Variants in TTLL11 observed in about 807,000 individuals in gnomAD.
TTLL11 encodes the protein tubulin tyrosine ligase like 11, also known as tubulin polyglutamylase TTLL11.
Under a neutral mutation model 51.7 loss-of-function variants are expected in TTLL11, and 42 were observed. The ratio of observed to expected loss-of-function variants is 0.81; its 90% CI spans 0.64 to 1.05. The LOEUF is 1.05. TTLL11 is among the 50% of genes least tolerant of loss of function. The pLI is 0.00. For synonymous variants in TTLL11, 381 were observed against 383.5 expected, an observed-to-expected ratio of 0.99 and a Z score of 0.08; for missense variants, 799 against 940.4, an observed-to-expected ratio of 0.85 and a Z score of 1.97.
At chr9:122,067,660 G>A (rs1164981128) in intron 1 of TTLL11, among the ~76,000 whole-genome samples, 4 of 151,994 alleles carry the variant, frequency 2.6e-5, no homozygotes, top group Admixed American at 1.3e-4. Flanking sequence ...CCACTGCCAC[G>A]CCCAGCTAAT....
At chr9:122,027,978 A>T (rs1844401041) in intron 3 of TTLL11, among the ~76,000 whole-genome samples, 1 of 152,232 alleles carries the variant, frequency 6.6e-6, no homozygotes, top group Non-Finnish European at 1.5e-5. Flanking sequence ...AGATGACGAT[A>T]GCACAAAGGA....
At chr9:121,860,110 T>C (rs1167619384) in intron 8 of TTLL11, among the ~76,000 whole-genome samples, 4 of 152,178 alleles carry the variant, frequency 2.6e-5, no homozygotes, top group African/African-American at 9.7e-5. Context: ...CCAGTATGGA[T>C]GGAATCTGAG....
intron 3 of TTLL11, among the ~76,000 whole-genome samples, chr9:122,030,776 CAAAA>C (rs35456581): frequency 7.2e-5 from 5 of 69,322 alleles, no homozygotes; most frequent in African/African-American, 1.0e-4. Context: ...ACAAAAAATA[CAAAA>C]AAAAAAAAAA....
At chr9:121,965,503 C>T (rs1195443728) in intron 6 of TTLL11, among the ~76,000 whole-genome samples, 1 of 152,214 alleles carries the variant, frequency 6.6e-6, no homozygotes, top group Non-Finnish European at 1.5e-5. Context: ...ATGATCCAAT[C>T]CCCTCCCACC....
chr9:121,831,979 C>T (rs866399038), intron 8 of TTLL11, among the ~76,000 whole-genome samples: 9 of 152,150 alleles, frequency 5.9e-5, no homozygotes, highest in Admixed American at 1.3e-4. Flanking sequence ...GGTTTGCAGA[C>T]GGCCGCCTTC....
At position 121,819,612 on chromosome 9, in the gene TTLL11, G is replaced by A. The variant is rs1418782566; in HGVS notation, c.*2975C>T. 1.3e-5 allele frequency among the ~76,000 whole-genome samples: 2 copies of A among 152,168 alleles called. No individual in the cohort carries two copies. Among genetic ancestry groups the A allele is most frequent in the East Asian group, 1.9e-4 (1 of 5,170 alleles). Reference sequence around the variant, plus strand: ...GACAGGCGTCAGGAGGAGCGGGAAGGGGCAAGAGAGCGGGAGGGAGAAGAC... The same window carrying A: ...GACAGGCGTCAGGAGGAGCGGGAAGAGGCAAGAGAGCGGGAGGGAGAAGAC... On this transcript the variant is annotated 3_prime_UTR_variant, in exon 9 of 9. Coordinates refer to ENST00000321582, the MANE Select transcript of TTLL11 (RefSeq NM_001139442.2).
intron 1 of TTLL11, among the ~76,000 whole-genome samples, chr9:122,058,753 C>T (rs1374604790): frequency 6.6e-6 from 1 of 152,186 alleles, no homozygotes; most frequent in Non-Finnish European, 1.5e-5. Flanking sequence ...AAATCCAGTG[C>T]TTTCACTAGC....
At chr9:121,869,324 C>T (rs1309944635) in intron 7 of TTLL11, among the ~76,000 whole-genome samples, 1 of 152,228 alleles carries the variant, frequency 6.6e-6, no homozygotes, top group African/African-American at 2.4e-5. Flanking sequence ...TGGCTTCCCA[C>T]TCAAGACTTC....
At chr9:122,031,619 G>A (rs1347800070) in intron 3 of TTLL11, 104 bp downstream of exon 3, 16 of 1,410,390 alleles carry the variant, frequency 1.1e-5, no homozygotes, top group East Asian at 7.0e-5. Context: ...TCCCTTAGTC[G>A]CAGCTCCCTG....
At chr9:121,907,376 G>A (rs2131491493) in intron 6 of TTLL11, among the ~76,000 whole-genome samples, 1 of 152,076 alleles carries the variant, frequency 6.6e-6, no homozygotes, top group Middle Eastern at 3.4e-3. Context: ...CTTGAACCCT[G>A]GAGGTGGAGG....
At chr9:121,935,126 T>G (rs1469974213) in intron 6 of TTLL11, among the ~76,000 whole-genome samples, 1 of 151,634 alleles carries the variant, frequency 6.6e-6, no homozygotes, top group Non-Finnish European at 1.5e-5. Flanking sequence ...GGCTATTTTT[T>G]TTTTGTATTT....
intron 7 of TTLL11, among the ~76,000 whole-genome samples, chr9:121,866,045 C>T (rs7850501): frequency 0.017 from 2,651 of 152,296 alleles, 54 homozygotes; most frequent in African/African-American, 0.06. Context: ...GTGGGTAGAA[C>T]AGATGAAAAG....
intron 6 of TTLL11, among the ~76,000 whole-genome samples, chr9:121,906,135 T>G (rs1417590447): frequency 6.6e-6 from 1 of 152,172 alleles, no homozygotes. Context: ...TCAAATGACC[T>G]GCAATCACTT....
chr9:122,075,703 G>A (rs1322486635), intron 1 of TTLL11, among the ~76,000 whole-genome samples: 5 of 152,202 alleles, frequency 3.3e-5, no homozygotes, highest in African/African-American at 1.2e-4. Context: ...AAGGTTTTGT[G>A]TAAGTAATCT....
chr9:122,009,584 A>G (rs916577985), intron 3 of TTLL11, among the ~76,000 whole-genome samples: 1 of 151,788 alleles, frequency 6.6e-6, no homozygotes, highest in African/African-American at 2.4e-5. Context: ...CACATTTACT[A>G]TATAAACACT....
chr9:121,964,973 C>T (rs1454573233), intron 6 of TTLL11, among the ~76,000 whole-genome samples: 1 of 152,190 alleles, frequency 6.6e-6, no homozygotes, highest in East Asian at 1.9e-4. Context: ...CCCCTACTGG[C>T]TGGCGATCTA....
chr9:121,857,763 C>T (rs565760181), intron 8 of TTLL11, among the ~76,000 whole-genome samples: 44 of 152,266 alleles, frequency 2.9e-4, no homozygotes, highest in Admixed American at 4.6e-4. Context: ...GCTTGAATTG[C>T]GGACAGCCCC....
At chr9:121,994,705 G>C (rs1480049300) in intron 3 of TTLL11, among the ~76,000 whole-genome samples, 1 of 152,188 alleles carries the variant, frequency 6.6e-6, no homozygotes, top group African/African-American at 2.4e-5. Context: ...TTTAGAGTTT[G>C]AGCAATGTCC....
chr9:121,874,249 C>A (rs1029592770), intron 6 of TTLL11, among the ~76,000 whole-genome samples: 2 of 152,170 alleles, frequency 1.3e-5, no homozygotes, highest in Non-Finnish European at 2.9e-5. Flanking sequence ...CCTGCCTTGG[C>A]CAGCCTCCCA....
Sources: allele counts gnomAD v4.1 joint callset (sites outside exome capture counted in the v4.1 genomes callset), GRCh38; gene constraint gnomAD v4.1.1; transcripts MANE v1.5; gene names NCBI Gene and HGNC (gene_info 2026-07-23, HGNC 2026-07-21).